Variants in SCP2 observed in about 807,000 individuals in gnomAD.
The protein encoded by SCP2 is SCP-2/3-oxoacyl-CoA thiolase.
In SCP2, 48 loss-of-function variants were observed where a neutral mutation model predicts 71.4. The ratio of observed to expected loss-of-function variants is 0.67; its 90% CI spans 0.53 to 0.86. The LOEUF (loss-of-function observed/expected upper bound fraction) is 0.86, where lower values mean the gene tolerates loss of function less well. SCP2 is among the 40% of genes least tolerant of loss of function. The pLI, the probability that SCP2 is intolerant of heterozygous loss-of-function variation, is 0.00. For synonymous variants in SCP2, 220 were observed against 218.1 expected (o/e 1.01, Z -0.08); for missense variants, 560 against 655.6 (o/e 0.85, Z 1.59).
intron 6 of SCP2, among the ~76,000 whole-genome samples, chr1:52,972,342 G>A (rs968624721): frequency 6.6e-6 from 1 of 152,162 alleles, no homozygotes; most frequent in Non-Finnish European, 1.5e-5. Context: ...CTTCATCAGT[G>A]GCCAGGCTTA....
At chr1:52,963,803 G>A (rs1041065928) in intron 6 of SCP2, 1 of 152,072 alleles carries the variant, frequency 6.6e-6, no homozygotes, top group African/African-American at 2.4e-5. Flanking sequence ...ATAGGAGAGG[G>A]TTTCACACCC....
chr1:53,020,941 G>A (rs72901391), intron 12 of SCP2, among the ~76,000 whole-genome samples: 20,888 of 152,054 alleles, frequency 0.14, 2,046 homozygotes, highest in East Asian at 0.33. Context: ...TTAAATTTTC[G>A]TTTTAGGGAT....
intron 4 of SCP2, 44 bp from the exon 5 acceptor site, chr1:52,954,696 G>T: frequency 6.7e-7 from 1 of 1,486,514 alleles, no homozygotes; most frequent in Non-Finnish European, 9.4e-7. Flanking sequence ...TTTTGTTGGT[G>T]TTTGGAAATT....
chr1:52,963,699 A>C (rs1178206764), intron 6 of SCP2: 7 of 152,158 alleles, frequency 4.6e-5, no homozygotes, highest in African/African-American at 1.7e-4. Flanking sequence ...TTACACACCA[A>C]ATATAACAAC....
intron 11 of SCP2, among the ~76,000 whole-genome samples, chr1:53,005,290 T>A (rs757355724): frequency 1.7e-4 from 26 of 152,288 alleles, no homozygotes; most frequent in Non-Finnish European, 3.2e-4. Context: ...TCTCCCAGCA[T>A]GGAGTTTGAG....
chr1:52,940,824 C>T (rs932181466), intron 1 of SCP2, among the ~76,000 whole-genome samples: 5 of 152,114 alleles, frequency 3.3e-5, no homozygotes, highest in Admixed American at 3.3e-4. Flanking sequence ...TATCTCGGCT[C>T]ACTGCAACCT....
chr1:52,986,896 A>G (rs991130092), intron 10 of SCP2, among the ~76,000 whole-genome samples: 1 of 151,284 alleles, frequency 6.6e-6, no homozygotes, highest in Admixed American at 6.6e-5. Context: ...GATTACGTAT[A>G]ATAACTACAT....
At chr1:53,013,736 G>A (rs1338504645) in intron 11 of SCP2, among the ~76,000 whole-genome samples, 2 of 152,112 alleles carry the variant, frequency 1.3e-5, no homozygotes, top group African/African-American at 2.4e-5. Flanking sequence ...ATGAAAAGCA[G>A]CAGTTAAATT....
chr1:52,994,899 A>G (rs1659813696), intron 11 of SCP2: 1 of 514,576 alleles, frequency 1.9e-6, no homozygotes, highest in Non-Finnish European at 3.9e-6. Context: ...TAGATGGCAA[A>G]TATGTTCCTT....
chr1:52,955,326 A>C (rs1176827284), intron 5 of SCP2, among the ~76,000 whole-genome samples: 1 of 152,202 alleles, frequency 6.6e-6, no homozygotes, highest in East Asian at 1.9e-4. Context: ...TGTGAGCCAC[A>C]ATTTTAACAG....
chr1:52,951,893 A>G (rs189240256), intron 4 of SCP2, among the ~76,000 whole-genome samples: 1 of 151,904 alleles, frequency 6.6e-6, no homozygotes, highest in Admixed American at 6.6e-5. Flanking sequence ...ATTTTTTTGT[A>G]TTTTTAATAG....
chr1:52,961,957 A>G (rs541912053), intron 6 of SCP2, among the ~76,000 whole-genome samples: 16 of 152,172 alleles, frequency 1.1e-4, no homozygotes, highest in Non-Finnish European at 1.9e-4. Context: ...GGTTGGGTGC[A>G]GTGGTGCGAT....
intron 3 of SCP2, among the ~76,000 whole-genome samples, chr1:52,949,737 T>C (rs755122019): frequency 2.0e-4 from 30 of 152,252 alleles, no homozygotes; most frequent in Non-Finnish European, 3.8e-4. Context: ...TATGACTTAA[T>C]GCTTGCTTGG....
intron 11 of SCP2, among the ~76,000 whole-genome samples, chr1:52,999,479 G>C (rs1660161125): frequency 6.6e-6 from 1 of 152,098 alleles, no homozygotes; most frequent in Admixed American, 6.5e-5. Flanking sequence ...CTCAGTATTG[G>C]GGAATTAGCT....
rs1246480013 is a variant in SCP2 at position 52,941,858 on chromosome 1, CAT to C, written c.127+7_127+8del. 7 of 1,594,364 alleles carry C rather than the reference CAT, an allele frequency of 4.4e-6. No homozygotes were observed. The highest frequency in any genetic ancestry group is 6.0e-6 in the Non-Finnish European group (7 of 1,162,206). ...CTGACTTGGCAGAAGAAGCAGGTAA[CAT>C]AGAACATTTAGATCTTTGAACATTC... On this transcript the variant is annotated splice_donor_region_variant and intron_variant, in intron 2 of 15. Transcript: ENST00000371514.
intron 10 of SCP2, among the ~76,000 whole-genome samples, chr1:52,987,469 A>G (rs548997552): frequency 7.0e-4 from 107 of 152,304 alleles, no homozygotes; most frequent in African/African-American, 2.3e-3. Flanking sequence ...AAGCATCTGG[A>G]AGAATGACCA....
intron 2 of SCP2, among the ~76,000 whole-genome samples, chr1:52,947,005 G>A (rs1654856652): frequency 6.7e-6 from 1 of 148,828 alleles, no homozygotes; most frequent in South Asian, 2.1e-4. Flanking sequence ...AGGTTGCAGT[G>A]AGCCGAGATC....
chr1:52,985,654 C>A (rs1658922025), intron 10 of SCP2, among the ~76,000 whole-genome samples: 1 of 152,228 alleles, frequency 6.6e-6, no homozygotes, highest in African/African-American at 2.4e-5. Flanking sequence ...CAAATATGAT[C>A]TGTCCTCCTT....
intron 11 of SCP2, among the ~76,000 whole-genome samples, chr1:53,001,969 G>A (rs1323244773): frequency 1.3e-5 from 2 of 152,146 alleles, no homozygotes; most frequent in Non-Finnish European, 2.9e-5. Flanking sequence ...TGGATCATGA[G>A]GTCAGGAGAT....
Sources: gnomAD v4.1 joint callset for allele counts (sites outside exome capture counted in the v4.1 genomes callset) on GRCh38, gnomAD v4.1.1 for gene constraint, MANE v1.5 for transcripts, NCBI Gene and HGNC (gene_info 2026-07-23, HGNC 2026-07-21) for gene names.